The following C1orf87 variants were observed in gnomAD, a reference collection of about 807,000 sequenced individuals.
The protein encoded by C1orf87 is chromosome 1 open reading frame 87, also known as uncharacterized protein C1orf87.
A neutral mutation model predicts 60.5 loss-of-function variants in C1orf87; 58 were observed. The ratio of observed to expected loss-of-function variants is 0.96; its 90% CI spans 0.78 to 1.19. The LOEUF (loss-of-function observed/expected upper bound fraction) is 1.19. C1orf87 is among the 50% of genes most tolerant of loss of function. C1orf87 has a pLI of 0.00. For synonymous variants in C1orf87, 236 were observed against 227.4 expected (o/e 1.04, Z -0.34); for missense variants, 673 against 638.6 (o/e 1.05, Z -0.58).
At chr1:60,061,320 G>A (rs965568551) in intron 2 of C1orf87, among the ~76,000 whole-genome samples, 1 of 151,960 alleles carries the variant, frequency 6.6e-6, no homozygotes, top group Middle Eastern at 3.2e-3. Context: ...CACATGAGAA[G>A]TTTTATTTTG....
At chr1:60,027,287 T>A (rs774207678) in intron 7 of C1orf87, among the ~76,000 whole-genome samples, 3 of 152,150 alleles carry the variant, frequency 2.0e-5, no homozygotes, top group Non-Finnish European at 4.4e-5. Flanking sequence ...AGCCACTATT[T>A]CCCTGCTCTA....
intron 3 of C1orf87, among the ~76,000 whole-genome samples, chr1:60,046,680 C>A (rs967542224): frequency 2.0e-5 from 3 of 152,058 alleles, no homozygotes; most frequent in Admixed American, 6.6e-5. Flanking sequence ...TAAAGCAATC[C>A]TCCTACCTTG....
chr1:60,037,216 G>C (rs968106037), intron 6 of C1orf87, among the ~76,000 whole-genome samples: 7 of 152,190 alleles, frequency 4.6e-5, no homozygotes, highest in African/African-American at 1.4e-4. Flanking sequence ...GCCATGGACT[G>C]ACTGCATCCC....
At chr1:59,999,375 T>A (rs566159966) in intron 10 of C1orf87, among the ~76,000 whole-genome samples, 2 of 152,148 alleles carry the variant, frequency 1.3e-5, no homozygotes, top group Non-Finnish European at 2.9e-5. Flanking sequence ...ATTCTTATAC[T>A]TTTTTTAGAG....
At chr1:60,052,993 CCTGTTGAGTT>C (rs1005143877) in intron 3 of C1orf87, among the ~76,000 whole-genome samples, 1 of 152,176 alleles carries the variant, frequency 6.6e-6, no homozygotes, top group African/African-American at 2.4e-5. Context: ...CACTAGAAAC[CCTGTTGAGTT>C]CTGGGAGGGG....
intron 2 of C1orf87, among the ~76,000 whole-genome samples, chr1:60,066,872 C>T (rs996718012): frequency 6.6e-6 from 1 of 152,036 alleles, no homozygotes; most frequent in Non-Finnish European, 1.5e-5. Context: ...TGTTCCTCTC[C>T]CTGTGTCCAT....
intron 3 of C1orf87, among the ~76,000 whole-genome samples, chr1:60,043,416 T>G (rs1408496632): frequency 6.6e-6 from 1 of 152,046 alleles, no homozygotes; most frequent in Non-Finnish European, 1.5e-5. Context: ...CGAGTCTCAC[T>G]CTGTTGCCAG....
intron 8 of C1orf87, among the ~76,000 whole-genome samples, chr1:60,012,347 A>C (rs1369005764): frequency 1.3e-5 from 2 of 152,088 alleles, no homozygotes; most frequent in Non-Finnish European, 2.9e-5. Context: ...GACACCAGAA[A>C]ATTTTCTGCC....
intron 7 of C1orf87, among the ~76,000 whole-genome samples, chr1:60,026,114 G>T (rs1645196657): frequency 6.6e-6 from 1 of 152,166 alleles, no homozygotes; most frequent in Non-Finnish European, 1.5e-5. Context: ...GTACAAACCA[G>T]TTCAGTTCTC....
chr1:60,008,653 A>G, intron 9 of C1orf87: 1 of 454,412 alleles, frequency 2.2e-6, no homozygotes, highest in South Asian at 1.6e-5. Context: ...TCCACCTAGC[A>G]TCAGAAGAGC....
rs11376932 is a variant in C1orf87 at position 60,032,432 on chromosome 1, G to GTTTTTTT, written c.1029+1037_1029+1043dup. On this transcript the variant is annotated intron_variant, in intron 7 of 11. Transcript: ENST00000371201. ...TTCAATTGGCCTCTTTGAGACTCAG[G>GTTTTTTT]TTTTTTTTTTTTTTTTTTTTTTTGA... Among the ~76,000 whole-genome samples the GTTTTTTT allele has an allele frequency of 1.4e-3, 121 of 88,562 alleles. 1 individual carries two copies. The highest frequency in any genetic ancestry group is 1.8e-3 in the Non-Finnish European group (85 of 48,012). The allele number at this position is 88,562 out of a possible 152,430, so 58.1% of individuals were successfully genotyped here.
intron 9 of C1orf87, 23 bp from the exon 10 acceptor site, chr1:60,001,179 AAAG>A: frequency 6.5e-7 from 1 of 1,528,540 alleles, no homozygotes; most frequent in South Asian, 1.2e-5. Context: ...AAAAAAAAAA[AAAG>A]GAAGGGTTTA....
chr1:60,065,506 T>C (rs996495111), intron 2 of C1orf87, among the ~76,000 whole-genome samples: 2 of 152,096 alleles, frequency 1.3e-5, no homozygotes, highest in African/African-American at 2.4e-5. Flanking sequence ...TTATGTTCCT[T>C]TATTTTTCCT....
intron 2 of C1orf87, among the ~76,000 whole-genome samples, chr1:60,060,670 A>G (rs1645490578): frequency 6.6e-6 from 1 of 152,212 alleles, no homozygotes; most frequent in African/African-American, 2.4e-5. Flanking sequence ...CACAGTAAAT[A>G]CAAATTTTAG....
intron 7 of C1orf87, among the ~76,000 whole-genome samples, chr1:60,026,217 A>G (rs1645197214): frequency 6.6e-6 from 1 of 152,222 alleles, no homozygotes; most frequent in Non-Finnish European, 1.5e-5. Flanking sequence ...GGCTAAACAT[A>G]TAAATGATAG....
chr1:60,069,410 A>C (rs1645569583), intron 2 of C1orf87, among the ~76,000 whole-genome samples: 1 of 152,130 alleles, frequency 6.6e-6, no homozygotes, highest in Non-Finnish European at 1.5e-5. Flanking sequence ...AACTGCAGAG[A>C]GTCAAGTAGA....
At chr1:60,034,077 C>T (rs76266725) in intron 6 of C1orf87, among the ~76,000 whole-genome samples, 2,982 of 152,252 alleles carry the variant, frequency 0.02, 102 homozygotes, top group African/African-American at 0.069. Flanking sequence ...GCAGATTCCA[C>T]CAGATCCCCA....
intron 3 of C1orf87, among the ~76,000 whole-genome samples, chr1:60,053,178 G>A (rs908255007): frequency 2.6e-5 from 4 of 152,202 alleles, no homozygotes; most frequent in East Asian, 1.9e-4. Context: ...AGAAACAGAT[G>A]TCTATATATA....
At chr1:60,007,629 A>T (rs1367607773) in intron 9 of C1orf87, among the ~76,000 whole-genome samples, 1 of 152,054 alleles carries the variant, frequency 6.6e-6, no homozygotes, top group Admixed American at 6.6e-5. Context: ...ATTCCAAGTA[A>T]GAGTCTTCGA....
Sources: gnomAD v4.1 joint callset for allele counts (sites outside exome capture counted in the v4.1 genomes callset) on GRCh38, gnomAD v4.1.1 for gene constraint, MANE v1.5 for transcripts, NCBI Gene and HGNC (gene_info 2026-07-23, HGNC 2026-07-21) for gene names.